Variants in TM2D1 observed in about 807,000 individuals in gnomAD.
TM2D1 encodes the protein TM2 domain containing 1, also known as TM2 domain-containing protein 1.
A neutral mutation model predicts 28.4 loss-of-function variants in TM2D1; 15 were observed. The ratio of observed to expected loss-of-function variants is 0.53; its 90% CI spans 0.35 to 0.81. The LOEUF is 0.81. Ranked by LOEUF, TM2D1 falls within the 40% of genes least tolerant of loss-of-function variation. The pLI, the probability that TM2D1 is intolerant of heterozygous loss-of-function variation, is 0.01. For missense variants in TM2D1, 236 were observed against 254.9 expected, an observed-to-expected ratio of 0.93 and a Z score of 0.50; for synonymous variants, 93 against 96.2, an observed-to-expected ratio of 0.97 and a Z score of 0.20.
intron 4 of TM2D1, chr1:61,700,317 G>GT: frequency 7.0e-7 from 1 of 1,427,202 alleles, no homozygotes; most frequent in Non-Finnish European, 9.1e-7. Flanking sequence ...TCAGAGGGTT[G>GT]TAAGTCTTCA....
chr1:61,705,305 G>C (rs1300787473), intron 3 of TM2D1, among the ~76,000 whole-genome samples: 3 of 151,996 alleles, frequency 2.0e-5, no homozygotes. Flanking sequence ...TCATGCCTCA[G>C]CTCCTGAGTA....
At chr1:61,692,327 A>C (rs1644333925) in intron 5 of TM2D1, among the ~76,000 whole-genome samples, 1 of 152,090 alleles carries the variant, frequency 6.6e-6, no homozygotes, top group Non-Finnish European at 1.5e-5. Flanking sequence ...CTATAACTAG[A>C]CTACAGTATG....
intron 2 of TM2D1, among the ~76,000 whole-genome samples, chr1:61,720,818 T>C (rs903813298): frequency 6.6e-5 from 10 of 152,162 alleles, no homozygotes; most frequent in Non-Finnish European, 1.5e-4. Context: ...CATCAATTTA[T>C]TGTCATAGAT....
chr1:61,711,636 A>AG (rs927550060), intron 2 of TM2D1, among the ~76,000 whole-genome samples: 1 of 152,098 alleles, frequency 6.6e-6, no homozygotes, highest in African/African-American at 2.4e-5. Flanking sequence ...AAAAAAAAAA[A>AG]AAATACAAAG....
intron 2 of TM2D1, among the ~76,000 whole-genome samples, chr1:61,719,157 C>T (rs781099125): frequency 6.6e-6 from 1 of 152,032 alleles, no homozygotes; most frequent in Non-Finnish European, 1.5e-5. Flanking sequence ...GCAGCCTCAC[C>T]TCTCTGACTC....
intron 5 of TM2D1, among the ~76,000 whole-genome samples, chr1:61,690,380 C>A (rs1644314684): frequency 7.2e-6 from 1 of 139,394 alleles, no homozygotes; most frequent in African/African-American, 2.7e-5. Context: ...TCGCTTGAAG[C>A]CGGGAGGCAG....
At chr1:61,690,746 T>C (rs1016250101) in intron 5 of TM2D1, among the ~76,000 whole-genome samples, 4 of 152,134 alleles carry the variant, frequency 2.6e-5, no homozygotes, top group Non-Finnish European at 5.9e-5. Context: ...CTCAAAAAAT[T>C]TATGTGTGAA....
chr1:61,713,891 T>C (rs1011966795), intron 2 of TM2D1, among the ~76,000 whole-genome samples: 1 of 128,270 alleles, frequency 7.8e-6, no homozygotes, highest in African/African-American at 2.7e-5. Flanking sequence ...TTTCTTTTTT[T>C]TTTTTTTTTT....
At chr1:61,700,307 T>C in intron 4 of TM2D1, 1 of 1,438,522 alleles carries the variant, frequency 7.0e-7, no homozygotes, top group Non-Finnish European at 9.1e-7. Context: ...GATGATAAAC[T>C]CAGAGGGTTG....
chr1:61,718,440 T>A (rs1644537936), intron 2 of TM2D1, among the ~76,000 whole-genome samples: 1 of 152,192 alleles, frequency 6.6e-6, no homozygotes, highest in Admixed American at 6.5e-5. Flanking sequence ...GCAGGAACAC[T>A]TTTTCCATTT....
chr1:61,697,744 C>G (rs115144655), intron 4 of TM2D1: 1 of 152,136 alleles, frequency 6.6e-6, no homozygotes, highest in Non-Finnish European at 1.5e-5. Flanking sequence ...TCCTTGCCCC[C>G]GTCTTTCCCC....
chr1:61,703,124 A>G (rs1274581602), intron 3 of TM2D1, among the ~76,000 whole-genome samples: 8 of 151,612 alleles, frequency 5.3e-5, no homozygotes, highest in African/African-American at 1.5e-4. Context: ...AAAAAAGAAC[A>G]AAAGAGAAAA....
chr1:61,693,080 T>C (rs1570100454), intron 5 of TM2D1, among the ~76,000 whole-genome samples: 1 of 151,594 alleles, frequency 6.6e-6, no homozygotes, highest in Non-Finnish European at 1.5e-5. Flanking sequence ...CTTCAGAATA[T>C]ACAAAAATTA....
In TM2D1 at chr1:61,709,324, C is replaced by T. The variant is rs1644461167; in HGVS notation, c.347+5G>A. On this transcript the variant is annotated splice_donor_5th_base_variant and intron_variant, in intron 3 of 6. Coordinates refer to ENST00000606498, the MANE Select transcript of TM2D1 (RefSeq NM_032027.3). ...TGAAAATTTAAGTTTCAGTAATGTACTTACACATTTCGGCAAGATATGGGC... is the reference window on the plus strand; with the variant it reads ...TGAAAATTTAAGTTTCAGTAATGTATTTACACATTTCGGCAAGATATGGGC... 6.3e-7 allele frequency: 1 copy of T among 1,583,126 alleles called. No individual in the cohort carries two copies. The highest frequency in any genetic ancestry group is 8.7e-7 in the Non-Finnish European group (1 of 1,153,804).
chr1:61,702,512 G>A (rs929078083), intron 3 of TM2D1, among the ~76,000 whole-genome samples: 2 of 150,798 alleles, frequency 1.3e-5, no homozygotes, highest in Non-Finnish European at 2.9e-5. Context: ...GGGAGTACAG[G>A]CGCACACCAC....
At chr1:61,700,676 T>C (rs528142548) in intron 4 of TM2D1, among the ~76,000 whole-genome samples, 4 of 152,304 alleles carry the variant, frequency 2.6e-5, no homozygotes, top group Non-Finnish European at 4.4e-5. Flanking sequence ...ACAGTTCCAG[T>C]GTACTATCGT....
chr1:61,725,141 C>T lies in TM2D1; in HGVS notation c.-21G>A, dbSNP rs769605992. On this transcript the variant is annotated 5_prime_UTR_variant, in exon 1 of 7. Transcript: ENST00000606498. ...GCCATCTTGGAGACCGACACTTTCTCGCCACTTCCGCTTCCGCCTCCGCCC... is the reference window on the plus strand; with the variant it reads ...GCCATCTTGGAGACCGACACTTTCTTGCCACTTCCGCTTCCGCCTCCGCCC... 7 of 1,613,204 alleles carry T rather than the reference C, an allele frequency of 4.3e-6. No individual in the cohort carries two copies. Among genetic ancestry groups the T allele is most frequent in the Non-Finnish European group, 5.9e-6 (7 of 1,179,700 alleles).
At chr1:61,724,070 C>G (rs1370329567) in intron 1 of TM2D1, among the ~76,000 whole-genome samples, 1 of 152,104 alleles carries the variant, frequency 6.6e-6, no homozygotes, top group African/African-American at 2.4e-5. Context: ...TTACAATAAA[C>G]CTTTAAATTT....
chr1:61,689,868 G>C (rs2148036025), intron 5 of TM2D1, among the ~76,000 whole-genome samples: 1 of 152,140 alleles, frequency 6.6e-6, no homozygotes, highest in East Asian at 1.9e-4. Context: ...TGCAATTCAG[G>C]AATTTAGCCC....
Sources: allele counts gnomAD v4.1 joint callset (sites outside exome capture counted in the v4.1 genomes callset), GRCh38; gene constraint gnomAD v4.1.1; transcripts MANE v1.5; gene names NCBI Gene and HGNC (gene_info 2026-07-23, HGNC 2026-07-21).